TMEM200A: variants seen among roughly 807,000 people sequenced by gnomAD.
The protein encoded by TMEM200A is two transmembrane C.
A neutral mutation model predicts 24.3 loss-of-function variants in TMEM200A; 12 were observed. The ratio of observed to expected loss-of-function variants is 0.49; its 90% CI spans 0.32 to 0.80. The LOEUF is 0.80. TMEM200A is among the 30% of genes least tolerant of loss of function. TMEM200A has a pLI of 0.04. For missense variants in TMEM200A, 545 were observed against 614.4 expected, an observed-to-expected ratio of 0.89 and a Z score of 1.19; for synonymous variants, 224 against 224.4, an observed-to-expected ratio of 1.00 and a Z score of 0.02.
chr6:130,372,842 C>G (rs1014089451), intron 1 of TMEM200A, among the ~76,000 whole-genome samples: 12 of 152,154 alleles, frequency 7.9e-5, no homozygotes, highest in African/African-American at 7.2e-5. Context: ...AACCTTGTAG[C>G]CTATTCGGAG....
intron 1 of TMEM200A, among the ~76,000 whole-genome samples, chr6:130,374,786 A>T (rs1778410379): frequency 6.6e-6 from 1 of 152,166 alleles, no homozygotes; most frequent in Non-Finnish European, 1.5e-5. Context: ...GATTGCCCAG[A>T]AACAAACTTC....
chr6:130,390,173 A>G (rs904867858), intron 2 of TMEM200A, among the ~76,000 whole-genome samples: 1 of 152,224 alleles, frequency 6.6e-6, no homozygotes, highest in Non-Finnish European at 1.5e-5. Context: ...CACTTACTAA[A>G]TCTCAGGATC....
intron 2 of TMEM200A, among the ~76,000 whole-genome samples, chr6:130,389,544 T>C (rs543701284): frequency 6.6e-6 from 1 of 152,032 alleles, no homozygotes; most frequent in East Asian, 1.9e-4. Context: ...ATATAGCTTG[T>C]TAGAATTTTG....
At chr6:130,380,957 A>C (rs1232887827) in intron 1 of TMEM200A, among the ~76,000 whole-genome samples, 1 of 152,258 alleles carries the variant, frequency 6.6e-6, no homozygotes, top group Non-Finnish European at 1.5e-5. Flanking sequence ...ACTGCACTCC[A>C]GCCTGGGAAA....
chr6:130,399,850 C>G (rs1485129312), intron 2 of TMEM200A, among the ~76,000 whole-genome samples: 2 of 151,830 alleles, frequency 1.3e-5, no homozygotes, highest in Non-Finnish European at 2.9e-5. Context: ...TACTCTTCCC[C>G]TTAAGTCCCC....
At chr6:130,392,616 A>C (rs1054482721) in intron 2 of TMEM200A, among the ~76,000 whole-genome samples, 20 of 152,282 alleles carry the variant, frequency 1.3e-4, no homozygotes, top group Admixed American at 1.2e-3. Context: ...TAGTAACTCA[A>C]ATCCCAACAT....
At chr6:130,371,919 C>T (rs1402785639) in intron 1 of TMEM200A, among the ~76,000 whole-genome samples, 1 of 152,210 alleles carries the variant, frequency 6.6e-6, no homozygotes, top group Non-Finnish European at 1.5e-5. Flanking sequence ...CAGGCACTAT[C>T]AGGGAAGGAG....
At chr6:130,431,103 T>G (rs1341093412) in intron 2 of TMEM200A, among the ~76,000 whole-genome samples, 1 of 152,176 alleles carries the variant, frequency 6.6e-6, no homozygotes, top group Non-Finnish European at 1.5e-5. Context: ...GACTTATGTA[T>G]ATAAGATATT....
intron 2 of TMEM200A, among the ~76,000 whole-genome samples, chr6:130,392,579 A>C (rs10782239): frequency 0.1 from 15,298 of 152,126 alleles, 1,002 homozygotes; most frequent in Admixed American, 0.15. Context: ...CTGTACAGAG[A>C]TATATTTTTT....
Position 130,440,405 on chromosome 6 carries a change from A to G in TMEM200A, c.-16-2A>G, listed in dbSNP as rs369067007. On this transcript the variant is annotated splice_acceptor_variant, in intron 2 of 2. Transcript: ENST00000296978. LOFTEE classifies it low-confidence loss of function (5UTR_SPLICE). ...CTTTTTCCTTTTTTTTTTCTTCTTC[A>G]GAGTAAAAGGCCAAGCTATGATAGC... 5.7e-5 allele frequency: 86 copies of G among 1,513,560 alleles called. No individual in the cohort carries two copies. Among genetic ancestry groups the G allele is most frequent in the Non-Finnish European group, 7.2e-5 (82 of 1,133,442 alleles). 93.8% of individuals were successfully genotyped at this position (1,513,560 alleles called of 1,614,324 possible).
upstream of TMEM200A, chr6:130,365,958 C>A (rs1778128703): frequency 2.1e-6 from 2 of 973,684 alleles, no homozygotes; most frequent in Non-Finnish European, 2.4e-6. Flanking sequence ...TCCGCCCCGG[C>A]CCCCGCCCCC....
chr6:130,432,743 G>C (rs1779907830), intron 2 of TMEM200A, among the ~76,000 whole-genome samples: 3 of 152,154 alleles, frequency 2.0e-5, no homozygotes, highest in Non-Finnish European at 4.4e-5. Flanking sequence ...GTCAGACCCA[G>C]CTGATATCAC....
chr6:130,395,578 T>A (rs890116205), intron 2 of TMEM200A, among the ~76,000 whole-genome samples: 1 of 152,222 alleles, frequency 6.6e-6, no homozygotes, highest in East Asian at 1.9e-4. Flanking sequence ...TAAGTAATTT[T>A]TTTAAAAAAG....
At position 130,440,750 on chromosome 6, in the gene TMEM200A, G is replaced by T. The variant is rs760128313; in HGVS notation, c.328G>T (p.Gly110Cys). The change falls in exon 3 of 3, where the codon GGT (glycine) becomes TGT (cysteine). Residue 110 changes from glycine to cysteine, a missense_variant. Gly to Cys is a radical substitution (Grantham distance 159). Transcript: ENST00000296978. ...AACTCAGGTCATTCGGAATGAAGGC[G>T]GTGTGGTGGTTCGCTTCTTTGAGCA... ...NETQVIRNEG[G>C]VVVRFFEQHL... 1 of 1,613,788 alleles carries T rather than the reference G, an allele frequency of 6.2e-7. No homozygotes were observed. The highest frequency in any genetic ancestry group is 8.5e-7 in the Non-Finnish European group (1 of 1,179,966).
At position 130,441,207 on chromosome 6, in the gene TMEM200A, C is replaced by T; in HGVS notation, c.785C>T (p.Ser262Phe). The T allele has an allele frequency of 1.2e-6, 2 of 1,614,104 alleles. No homozygotes were observed. The highest frequency in any genetic ancestry group is 2.2e-5 in the East Asian group (1 of 44,880). Residue 262 changes from serine to phenylalanine, a missense_variant, in exon 3 of 3, where the codon TCC (serine) becomes TTC (phenylalanine). Ser to Phe is a radical substitution (Grantham distance 155). Coordinates refer to ENST00000296978, the MANE Select transcript of TMEM200A (RefSeq NM_001258277.2). ...VSVFGLYPPP[S>F]KTTDDKTSGS... ...GTCTTTGGCCTCTATCCACCTCCTT[C>T]CAAGACAACTGATGATAAGACCAGC...
At chr6:130,426,973 AGTCT>A (rs1244915689) in intron 2 of TMEM200A, among the ~76,000 whole-genome samples, 1 of 152,204 alleles carries the variant, frequency 6.6e-6, no homozygotes, top group Non-Finnish European at 1.5e-5. Context: ...GTCATAAATA[AGTCT>A]TTCTTTCCTG....
At chr6:130,402,437 C>T (rs1283284650) in intron 2 of TMEM200A, among the ~76,000 whole-genome samples, 1 of 151,930 alleles carries the variant, frequency 6.6e-6, no homozygotes, top group Non-Finnish European at 1.5e-5. Context: ...CTGGATAAGA[C>T]CCACAAAGGA....
chr6:130,366,340 G>A lies in TMEM200A; in HGVS notation c.-265G>A, dbSNP rs1262932570. The A allele has an allele frequency of 9.1e-6, 9 of 984,938 alleles. No homozygotes were observed. The highest frequency in any genetic ancestry group is 9.6e-6 in the Non-Finnish European group (8 of 829,840). 61.0% of individuals were successfully genotyped at this position (984,938 alleles called of 1,614,324 possible). Reference sequence around the variant, plus strand: ...TCATCCGCCCGCGGTGGCCGCCCGAGCCCTGGGATGGGGAGGGAGACCGCG... The same window carrying A: ...TCATCCGCCCGCGGTGGCCGCCCGAACCCTGGGATGGGGAGGGAGACCGCG... On this transcript the variant is annotated 5_prime_UTR_variant, in exon 1 of 3. Coordinates refer to ENST00000296978, the MANE Select transcript of TMEM200A (RefSeq NM_001258277.2). This position sits in a 1 kb window ranked among gnomAD's most constrained non-coding sequence, Gnocchi z 4.4.
intron 2 of TMEM200A, among the ~76,000 whole-genome samples, chr6:130,410,904 C>G (rs1192061642): frequency 6.6e-6 from 1 of 152,190 alleles, no homozygotes; most frequent in South Asian, 2.1e-4. Context: ...TGCAGTGGCT[C>G]ACGCCTATAA....
Sources: allele counts gnomAD v4.1 joint callset (sites outside exome capture counted in the v4.1 genomes callset), GRCh38; gene constraint gnomAD v4.1.1; non-coding constraint Gnocchi (gnomAD v3.1); transcripts MANE v1.5; gene names NCBI Gene and HGNC (gene_info 2026-07-23, HGNC 2026-07-21).